The following MYCBP2 variants were observed in gnomAD, a reference collection of about 807,000 sequenced individuals.
The protein encoded by MYCBP2 is MYC binding protein 2, also known as E3 ubiquitin-protein ligase MYCBP2.
A neutral mutation model predicts 525.3 loss-of-function variants in MYCBP2; 120 were observed. The observed-to-expected ratio is 0.23, with a 90% CI of 0.20 to 0.27. The LOEUF is 0.27. Among genes scored for constraint, MYCBP2 ranks in the 10% least tolerant of loss-of-function variants. MYCBP2 has a pLI of 1.00. For missense variants in MYCBP2, 4,149 were observed against 5,657.1 expected (o/e 0.73, Z 8.55); for synonymous variants, 1,894 against 1,955.8 (o/e 0.97, Z 0.83).
At chr13:77,204,101 G>C (rs1185593789) in intron 26 of MYCBP2, among the ~76,000 whole-genome samples, 96 of 149,928 alleles carry the variant, frequency 6.4e-4, no homozygotes, top group Middle Eastern at 7.0e-3. Context: ...CCATCAGAGT[G>C]AACAGGCAAC....
At chr13:77,122,339 T>G (rs759132121) in intron 54 of MYCBP2, among the ~76,000 whole-genome samples, 1 of 152,032 alleles carries the variant, frequency 6.6e-6, no homozygotes, top group African/African-American at 2.4e-5. Flanking sequence ...AAATAAAATA[T>G]CTCAAGTATA....
At position 77,191,700 on chromosome 13, in the gene MYCBP2, G is replaced by A; in HGVS notation, c.4049C>T (p.Ala1350Val). Residue 1350 changes from alanine to valine, a missense_variant, in exon 28 of 83, where the codon GCA becomes GTA. By Grantham distance (64) the Ala-to-Val change is moderately conservative. Coordinates refer to ENST00000544440, the MANE Select transcript of MYCBP2 (RefSeq NM_015057.5). ...TTACCCATCATCTGTGGTAATAGAT[G>A]CCTGTCCATGAGATCCACAGTCACT... ...PSSDCGSHGQASITTDDGVVF... is the reference protein window; with the variant it reads ...PSSDCGSHGQVSITTDDGVVF... 6.2e-7 allele frequency: 1 copy of A among 1,613,924 alleles called. No individual in the cohort carries two copies. The highest frequency in any genetic ancestry group is 1.1e-5 in the South Asian group (1 of 91,054).
chr13:77,298,424 C>G (rs572195765), intron 1 of MYCBP2, among the ~76,000 whole-genome samples: 2 of 152,314 alleles, frequency 1.3e-5, no homozygotes, highest in Admixed American at 1.3e-4. Flanking sequence ...GTATTGCTTC[C>G]TCGCCAAGCT....
chr13:77,227,403 T>G (rs2066428121), intron 18 of MYCBP2, among the ~76,000 whole-genome samples: 1 of 142,502 alleles, frequency 7.0e-6, no homozygotes, highest in South Asian at 2.2e-4. Context: ...TAAAATATAC[T>G]CAGTTCAAAG....
In MYCBP2 at chr13:77,083,043, T is replaced by C. The variant is rs2043583186; in HGVS notation, c.11025A>G (p.Gln3675=). 9 of 1,612,442 alleles carry C rather than the reference T, an allele frequency of 5.6e-6. No individual in the cohort carries two copies. Among genetic ancestry groups the C allele is most frequent in the African/African-American group, 1.3e-5 (1 of 74,806 alleles). Reference sequence around the variant, plus strand: ...GATACCAAAATTACCTCAGGGCCATTTGCTGTAATGAACTGCCGCTGGGGA... The same window carrying C: ...GATACCAAAATTACCTCAGGGCCATCTGCTGTAATGAACTGCCGCTGGGGA... ...MSLPSGSSLQ[Q]MALRCWSLKF... is the part of the protein sequence containing the mutation. Residue 3675 remains glutamine, a synonymous_variant, in exon 63 of 83, where the codon CAA becomes CAG. Coordinates refer to ENST00000544440, the MANE Select transcript of MYCBP2 (RefSeq NM_015057.5).
Position 77,224,483 on chromosome 13 carries a change from A to G in MYCBP2, c.2907T>C (p.His969=). The G allele has an allele frequency of 6.2e-7, 1 of 1,610,434 alleles. No homozygotes were observed. The highest frequency in any genetic ancestry group is 8.5e-7 in the Non-Finnish European group (1 of 1,177,986). ...TGACATCTCCATGTCCTAGCTGCCC[A>G]TGCTGCCCATAACCAAATGTATAGA... The part of the protein sequence containing the change: ...GDVYTFGYGQ[H]GQLGHGDVNS... Residue 969 remains histidine (H), a synonymous_variant, in exon 20 of 83, where the codon CAT becomes CAC. Transcript: ENST00000544440.
At chr13:77,164,349 T>A in intron 43 of MYCBP2, 105 bp downstream of exon 43, 1 of 707,052 alleles carries the variant, frequency 1.4e-6, no homozygotes. Context: ...CATGAATATA[T>A]GAGATTACAA....
At chr13:77,048,215 C>T (rs1447709503) in intron 82 of MYCBP2, among the ~76,000 whole-genome samples, 2 of 152,066 alleles carry the variant, frequency 1.3e-5, no homozygotes, top group East Asian at 3.9e-4. Context: ...CAGGAGAGGC[C>T]CCCTGCCCTT....
intron 27 of MYCBP2, 85 bp downstream of exon 27, chr13:77,194,068 C>T (rs1193979639): frequency 3.7e-6 from 3 of 808,088 alleles, no homozygotes; most frequent in Admixed American, 2.5e-5. Context: ...TTAAAACTTC[C>T]TTTTAAAGTA....
intron 17 of MYCBP2, among the ~76,000 whole-genome samples, chr13:77,238,242 CAA>C (rs772175406): frequency 3.5e-5 from 1 of 28,310 alleles, no homozygotes; most frequent in Non-Finnish European, 8.7e-5. Flanking sequence ...GACTCCGTCT[CAA>C]AAAAAAAAAA....
rs768311972 is a variant in MYCBP2 at position 77,273,510 on chromosome 13, G to T, written c.907C>A (p.Leu303Ile). 6.2e-7 allele frequency: 1 copy of T among 1,608,702 alleles called. No individual in the cohort carries two copies. Among genetic ancestry groups the T allele is most frequent in the Non-Finnish European group, 8.5e-7 (1 of 1,178,334 alleles). Residue 303 changes from leucine to isoleucine, a missense_variant, in exon 5 of 83, where the codon CTC (leucine) becomes ATC (isoleucine). Leu to Ile is a conservative substitution (Grantham distance 5, BLOSUM62 2). Coordinates refer to ENST00000544440, the MANE Select transcript of MYCBP2 (RefSeq NM_015057.5). The part of the protein sequence containing the change: ...GRTLQAISAI[L>I]TNNGSHACQT... ...CAAGCATGGCTTCCATTGTTGGTGA[G>T]GATAGCAGAGATGGCCTGAAGTGTC... is the stretch of plus-strand genomic sequence containing the variant.
At chr13:77,256,959 T>C (rs773954543) in intron 14 of MYCBP2, among the ~76,000 whole-genome samples, 9 of 152,132 alleles carry the variant, frequency 5.9e-5, no homozygotes, top group Non-Finnish European at 1.5e-5. Flanking sequence ...CTATTCACAA[T>C]AGCCAAGATT....
intron 59 of MYCBP2, chr13:77,090,508 A>T (rs892466298): frequency 1.4e-5 from 4 of 290,358 alleles, no homozygotes; most frequent in African/African-American, 2.2e-5. Flanking sequence ...TAAATGAAAA[A>T]GAAGAAAGGT....
At chr13:77,215,359 G>A (rs1023686979) in intron 21 of MYCBP2, among the ~76,000 whole-genome samples, 6 of 151,960 alleles carry the variant, frequency 3.9e-5, no homozygotes, top group Non-Finnish European at 2.9e-5. Flanking sequence ...CAGGTGGGAG[G>A]GGAAAGAGCA....
At chr13:77,316,416 A>G (rs949202213) in intron 1 of MYCBP2, among the ~76,000 whole-genome samples, 3 of 152,178 alleles carry the variant, frequency 2.0e-5, no homozygotes, top group African/African-American at 4.8e-5. Flanking sequence ...CAATGCCCAT[A>G]TTGGAACTAG....
At chr13:77,314,891 C>T (rs2080743030) in intron 1 of MYCBP2, among the ~76,000 whole-genome samples, 1 of 152,016 alleles carries the variant, frequency 6.6e-6, no homozygotes, top group African/African-American at 2.4e-5. Flanking sequence ...TCTGTACCCT[C>T]TTCTCAATTT....
intron 33 of MYCBP2, among the ~76,000 whole-genome samples, chr13:77,180,802 C>T (rs1313831426): frequency 1.3e-5 from 2 of 151,826 alleles, no homozygotes; most frequent in Admixed American, 6.6e-5. Flanking sequence ...TGCCTACAGC[C>T]CCAGCTACTT....
rs775397595 is a variant in MYCBP2, at chr13:77,067,811, G to A, written c.12225C>T (p.Ala4075=). 8.7e-6 allele frequency: 14 copies of A among 1,614,098 alleles called. No homozygotes were observed. The South Asian group carries it at 1.4e-4, about 16-fold the overall frequency. ...GGAGGGATTTCACTCCTATGATGCT[G>A]GCCAGACGACTAGGGGTTACTTCAG... ...VLPEVTPSRL[A]SIIGVKSLPP... The change falls in exon 71 of 83, where the codon GCC becomes GCT. Residue 4075 remains alanine (A), a synonymous_variant. Transcript: ENST00000544440.
intron 14 of MYCBP2, 86 bp downstream of exon 14, chr13:77,257,585 A>G: frequency 7.6e-7 from 1 of 1,321,138 alleles, no homozygotes; most frequent in Non-Finnish European, 1.0e-6. Flanking sequence ...ACTCATTTTG[A>G]AAAGAACAAG....
Sources: allele counts gnomAD v4.1 joint callset (sites outside exome capture counted in the v4.1 genomes callset), GRCh38; gene constraint gnomAD v4.1.1; transcripts MANE v1.5; gene names NCBI Gene and HGNC (gene_info 2026-07-23, HGNC 2026-07-21).